The following LYRM4 variants were observed in gnomAD, a reference collection of about 807,000 sequenced individuals.
LYRM4 encodes LYR motif containing 4.
In LYRM4, 9 loss-of-function variants were observed where a neutral mutation model predicts 11.7. The observed-to-expected ratio is 0.77, with a 90% CI of 0.46 to 1.34. The LOEUF is 1.34. LYRM4 is among the 40% of genes most tolerant of loss of function. The pLI, the probability that LYRM4 is intolerant of heterozygous loss-of-function variation, is 0.00. For synonymous variants in LYRM4, 42 were observed against 40.4 expected, an observed-to-expected ratio of 1.04 and a Z score of -0.15; for missense variants, 133 against 112.5, an observed-to-expected ratio of 1.18 and a Z score of -0.82.
rs41302851 is a variant in LYRM4, at chr6:5,216,777, C to T, written c.87-39G>A. On this transcript the variant is annotated intron_variant, in intron 1 of 2. Transcript: ENST00000330636. ...GAGGAAAAAAAAGAAAAGGTGTCAG[C>T]GTGTCTGAGGCTATGCTTTCAAATG... is the stretch of plus-strand genomic sequence containing the variant. 0.39 allele frequency: 626,187 copies of T among 1,595,496 alleles called. 127,510 individuals carry two copies. The highest frequency in any genetic ancestry group is 0.45 in the South Asian group (40,261 of 89,352).
intron 2 of LYRM4, chr6:5,144,014 C>T (rs930987003): frequency 1.8e-5 from 21 of 1,175,882 alleles, no homozygotes; most frequent in Middle Eastern, 2.6e-4. Flanking sequence ...TCCCAAGGCT[C>T]AAAGAAGCCC....
intron 2 of LYRM4, among the ~76,000 whole-genome samples, chr6:5,192,218 T>A (rs1760795607): frequency 6.6e-6 from 1 of 152,160 alleles, no homozygotes; most frequent in African/African-American, 2.4e-5. Flanking sequence ...CAGGACTTTG[T>A]GAATGACATT....
At chr6:5,155,092 A>ATTT (rs949534751) in intron 2 of LYRM4, among the ~76,000 whole-genome samples, 8 of 151,854 alleles carry the variant, frequency 5.3e-5, no homozygotes, top group African/African-American at 1.9e-4. Context: ...TATTATTATT[A>ATTT]TTTTTTTGAG....
intron 2 of LYRM4, chr6:5,136,415 C>T (rs762730454): frequency 1.4e-4 from 142 of 984,804 alleles, no homozygotes; most frequent in Non-Finnish European, 1.7e-4. Context: ...ACTTAAGAGC[C>T]TGGGGTTTGT....
At chr6:5,133,555 T>C (rs1203236363) in intron 2 of LYRM4, among the ~76,000 whole-genome samples, 1 of 152,178 alleles carries the variant, frequency 6.6e-6, no homozygotes, top group Non-Finnish European at 1.5e-5. Context: ...ACTTAAGAGA[T>C]TATTAATTAC....
chr6:5,170,244 T>C (rs1183397076), intron 2 of LYRM4, among the ~76,000 whole-genome samples: 6 of 152,228 alleles, frequency 3.9e-5, no homozygotes, highest in Non-Finnish European at 8.8e-5. Context: ...CCAGAAAACC[T>C]ACTGGAATTA....
intron 2 of LYRM4, among the ~76,000 whole-genome samples, chr6:5,141,741 T>A (rs1757419460): frequency 1.3e-5 from 2 of 152,136 alleles, no homozygotes; most frequent in Non-Finnish European, 2.9e-5. Context: ...TCCAAACTTT[T>A]ACCCCCCCAC....
At chr6:5,133,938 T>C (rs997361978) in intron 2 of LYRM4, among the ~76,000 whole-genome samples, 2 of 152,224 alleles carry the variant, frequency 1.3e-5, no homozygotes, top group African/African-American at 4.8e-5. Flanking sequence ...CATGAGTACT[T>C]TGTGACTTCT....
the LYRM4 span, among the ~76,000 whole-genome samples, chr6:5,067,862 A>C: frequency 6.6e-6 from 1 of 152,244 alleles, no homozygotes; most frequent in Non-Finnish European, 1.5e-5. Context: ...TAGCCATCAT[A>C]ATAGTGAAAA....
intron 2 of LYRM4, among the ~76,000 whole-genome samples, chr6:5,187,475 A>G (rs1404927628): frequency 1.3e-5 from 2 of 152,210 alleles, no homozygotes; most frequent in Non-Finnish European, 2.9e-5. Flanking sequence ...TAAAAATAAA[A>G]GACAGTTCTC....
chr6:5,093,997 T>A, the LYRM4 span, among the ~76,000 whole-genome samples: 311 of 152,322 alleles, frequency 2.0e-3, 1 homozygote, highest in African/African-American at 7.0e-3. Flanking sequence ...ACTAGGTTGG[T>A]TCTTGGGACT....
intron 1 of LYRM4, among the ~76,000 whole-genome samples, chr6:5,219,984 C>T (rs1056547532): frequency 2.0e-5 from 3 of 152,192 alleles, no homozygotes. Context: ...GATGCTCGCA[C>T]ACACACTGCC....
chr6:5,073,262 C>T, the LYRM4 span, among the ~76,000 whole-genome samples: 2 of 151,926 alleles, frequency 1.3e-5, no homozygotes, highest in Non-Finnish European at 2.9e-5. Flanking sequence ...CCCAGCTACT[C>T]GGGAGGCTGT....
At chr6:5,251,522 AGC>A (rs1764427972) in intron 1 of LYRM4, among the ~76,000 whole-genome samples, 1 of 152,198 alleles carries the variant, frequency 6.6e-6, no homozygotes, top group Non-Finnish European at 1.5e-5. Flanking sequence ...CCAGAGCAGG[AGC>A]AAGCAAGCGA....
At chr6:5,085,938 G>A in the LYRM4 span, 544 of 1,527,614 alleles carry the variant, frequency 3.6e-4, 1 homozygote, top group Non-Finnish European at 4.5e-4. Context: ...TCAGCGAGGC[G>A]GAGGAGCCGC....
the LYRM4 span, among the ~76,000 whole-genome samples, chr6:5,081,808 G>C: frequency 2.6e-5 from 4 of 152,132 alleles, no homozygotes; most frequent in African/African-American, 9.7e-5. Flanking sequence ...GACTGAGAGT[G>C]GGCTCTCTAG....
intron 1 of LYRM4, among the ~76,000 whole-genome samples, chr6:5,218,685 G>A (rs571294994): frequency 6.6e-6 from 1 of 152,290 alleles, no homozygotes; most frequent in Admixed American, 6.5e-5. Flanking sequence ...TACAGCGATT[G>A]GGCATGGAAT....
the LYRM4 span, among the ~76,000 whole-genome samples, chr6:5,048,497 T>C: frequency 6.6e-6 from 1 of 152,130 alleles, no homozygotes; most frequent in Non-Finnish European, 1.5e-5. Context: ...TTATTTTTTG[T>C]AGAAACAGGG....
rs776883392 is a variant in LYRM4, at chr6:5,207,755, C to T, written c.207+8863G>A. Among the ~76,000 whole-genome samples the T allele has an allele frequency of 2.6e-4, 39 of 152,144 alleles. No homozygotes were observed. In the Middle Eastern group the frequency reaches 0.01, roughly 40 times the overall value. On this transcript the variant is annotated intron_variant, in intron 2 of 2. Transcript: ENST00000330636. ...AGTTTTCGTATTTATTTTCTTTTGA[C>T]GGCAGAGAGAGAGAGAGTTTTCTGA...
Sources: allele counts gnomAD v4.1 joint callset (sites outside exome capture counted in the v4.1 genomes callset), GRCh38; gene constraint gnomAD v4.1.1; transcripts MANE v1.5; gene names NCBI Gene and HGNC (gene_info 2026-07-23, HGNC 2026-07-21).